The following HS6ST3 variants were observed in gnomAD, a reference collection of about 807,000 sequenced individuals.
The protein encoded by HS6ST3 is heparan sulfate 6-O-sulfotransferase 3.
HS6ST3 carries 12 observed loss-of-function variants against 36.7 expected under a neutral mutation model. The observed-to-expected ratio is 0.33, with a 90% confidence interval of 0.21 to 0.53. The LOEUF is 0.53. HS6ST3 is among the 20% of genes least tolerant of loss of function. The pLI is 0.95. For missense variants in HS6ST3, 584 were observed against 640.9 expected (o/e 0.91, Z 0.96); for synonymous variants, 240 against 257.5 (o/e 0.93, Z 0.65).
chr13:96,239,216 A>C (rs900002755), intron 1 of HS6ST3, among the ~76,000 whole-genome samples: 1 of 152,244 alleles, frequency 6.6e-6, no homozygotes, highest in Non-Finnish European at 1.5e-5. Flanking sequence ...GGCACCTTTC[A>C]GGTCATTAAT....
chr13:96,275,459 A>G (rs1345408461), intron 1 of HS6ST3, among the ~76,000 whole-genome samples: 1 of 152,198 alleles, frequency 6.6e-6, no homozygotes, highest in African/African-American at 2.4e-5. Flanking sequence ...TGAGTCATAC[A>G]GCAACCGGCA....
At chr13:96,421,895 G>A (rs1470413285) in intron 1 of HS6ST3, among the ~76,000 whole-genome samples, 1 of 152,138 alleles carries the variant, frequency 6.6e-6, no homozygotes, top group African/African-American at 2.4e-5. Flanking sequence ...ATGTAGATAA[G>A]TAAATGTTTA....
intron 1 of HS6ST3, among the ~76,000 whole-genome samples, chr13:96,246,871 C>A (rs1374106315): frequency 6.6e-6 from 1 of 151,910 alleles, no homozygotes; most frequent in Admixed American, 6.6e-5. Context: ...TGACAGGCTT[C>A]AAAAATAAGT....
chr13:96,519,364 A>G (rs1265260860), intron 1 of HS6ST3, among the ~76,000 whole-genome samples: 1 of 152,218 alleles, frequency 6.6e-6, no homozygotes, highest in Non-Finnish European at 1.5e-5. Context: ...CCTAAATTAT[A>G]TAACAGAGAT....
intron 1 of HS6ST3, among the ~76,000 whole-genome samples, chr13:96,269,013 A>T (rs557449690): frequency 1.1e-4 from 17 of 152,132 alleles, no homozygotes; most frequent in African/African-American, 4.1e-4. Flanking sequence ...GCCTGAAAAC[A>T]TTCCTGAATG....
intron 1 of HS6ST3, among the ~76,000 whole-genome samples, chr13:96,213,726 T>C (rs2054410372): frequency 6.6e-6 from 1 of 152,136 alleles, no homozygotes; most frequent in South Asian, 2.1e-4. Flanking sequence ...CATGTAGGTG[T>C]TTAAGGTATG....
At chr13:96,523,204 G>C (rs1219858246) in intron 1 of HS6ST3, among the ~76,000 whole-genome samples, 2 of 152,120 alleles carry the variant, frequency 1.3e-5, no homozygotes, top group African/African-American at 4.8e-5. Flanking sequence ...CTCTCTTCTG[G>C]CTTGTAGGGT....
chr13:96,149,264 ACT>A (rs889962199), intron 1 of HS6ST3, among the ~76,000 whole-genome samples: 11 of 152,150 alleles, frequency 7.2e-5, no homozygotes, highest in African/African-American at 2.7e-4. Flanking sequence ...TTTTTCGATC[ACT>A]CTGAACTGTT....
chr13:96,508,762 T>C (rs1347981725), intron 1 of HS6ST3, among the ~76,000 whole-genome samples: 1 of 152,204 alleles, frequency 6.6e-6, no homozygotes, highest in Non-Finnish European at 1.5e-5. Context: ...CACATTTTCT[T>C]TATCCACACA....
At chr13:96,254,284 C>T (rs1049906177) in intron 1 of HS6ST3, among the ~76,000 whole-genome samples, 8 of 150,424 alleles carry the variant, frequency 5.3e-5, no homozygotes, top group Non-Finnish European at 1.0e-4. Flanking sequence ...CGTGGTGTTG[C>T]GTGCCTGTAA....
chr13:96,124,654 T>C (rs1403703547), intron 1 of HS6ST3, among the ~76,000 whole-genome samples: 2 of 152,168 alleles, frequency 1.3e-5, no homozygotes, highest in East Asian at 3.9e-4. Flanking sequence ...CTGGGTTACA[T>C]GCTGAGGGCA....
intron 1 of HS6ST3, among the ~76,000 whole-genome samples, chr13:96,548,883 C>A (rs560443793): frequency 6.6e-6 from 1 of 152,180 alleles, no homozygotes; most frequent in Non-Finnish European, 1.5e-5. Context: ...AAACACTAAT[C>A]TCATTCAAAA....
intron 1 of HS6ST3, among the ~76,000 whole-genome samples, chr13:96,658,334 G>T (rs2056634216): frequency 7.7e-6 from 1 of 130,622 alleles, no homozygotes; most frequent in Non-Finnish European, 1.6e-5. Context: ...AAGCTGGAGT[G>T]CAATGGCACA....
chr13:96,426,662 G>GC (rs2055588721), intron 1 of HS6ST3, among the ~76,000 whole-genome samples: 1 of 152,126 alleles, frequency 6.6e-6, no homozygotes, highest in Non-Finnish European at 1.5e-5. Flanking sequence ...TTTATTGAAA[G>GC]GGTTTTGAGA....
chr13:96,821,083 C>T (rs1006845399), intron 1 of HS6ST3, among the ~76,000 whole-genome samples: 3 of 152,222 alleles, frequency 2.0e-5, no homozygotes, highest in African/African-American at 4.8e-5. Context: ...TCTAATGCCC[C>T]TTCCTCAAGT....
At position 96,575,503 on chromosome 13, in the gene HS6ST3, C is replaced by A. The variant is rs571371203; in HGVS notation, c.708-256987C>A. Among the ~76,000 whole-genome samples, 4 of 152,274 alleles carry A rather than the reference C, an allele frequency of 2.6e-5. No individual in the cohort carries two copies. The East Asian group carries it at 5.8e-4, about 22-fold the overall frequency. On this transcript the variant is annotated intron_variant, in intron 1 of 1. Transcript: ENST00000376705. ...TTTTCAGGCAGACATCTTGAGGGAC[C>A]AGTAAGCAGGGGAGTCCTTTTTTCT...
At chr13:96,192,540 G>A (rs1033317622) in intron 1 of HS6ST3, among the ~76,000 whole-genome samples, 7 of 151,874 alleles carry the variant, frequency 4.6e-5, no homozygotes, top group Non-Finnish European at 8.8e-5. Flanking sequence ...GTGAGAACTT[G>A]TGTTATTTGG....
At chr13:96,742,482 A>G (rs986577976) in intron 1 of HS6ST3, among the ~76,000 whole-genome samples, 4 of 152,092 alleles carry the variant, frequency 2.6e-5, no homozygotes, top group African/African-American at 9.7e-5. Context: ...TGAAAGGATG[A>G]AAAAAGATAT....
At chr13:96,223,309 C>G (rs1183019226) in intron 1 of HS6ST3, among the ~76,000 whole-genome samples, 1 of 152,190 alleles carries the variant, frequency 6.6e-6, no homozygotes, top group Non-Finnish European at 1.5e-5. Flanking sequence ...AGCAAATGCC[C>G]TGATGATGAG....
Sources: gnomAD v4.1 joint callset for allele counts (sites outside exome capture counted in the v4.1 genomes callset) on GRCh38, gnomAD v4.1.1 for gene constraint, MANE v1.5 for transcripts, NCBI Gene and HGNC (gene_info 2026-07-23, HGNC 2026-07-21) for gene names.